Variants in GAREM1 observed in about 807,000 individuals in gnomAD.
GAREM1 encodes GRB2 associated regulator of MAPK1 subtype 1.
A neutral mutation model predicts 71.3 loss-of-function variants in GAREM1; 26 were observed. The ratio of observed to expected loss-of-function variants is 0.36; its 90% confidence interval spans 0.27 to 0.51. GAREM1 has a LOEUF of 0.51. GAREM1 is among the 20% of genes least tolerant of loss of function. The probability of loss-of-function intolerance (pLI) is 0.95; values close to 1 mark genes in which losing one functional copy is unlikely to be tolerated. For synonymous variants in GAREM1, 440 were observed against 433.2 expected (o/e 1.02, Z -0.20); for missense variants, 1,026 against 1,103.1 (o/e 0.93, Z 0.99).
chr18:32,469,807 G>A (rs965510449), intron 1 of GAREM1, among the ~76,000 whole-genome samples: 1 of 152,174 alleles, frequency 6.6e-6, no homozygotes, highest in African/African-American at 2.4e-5. Context: ...CAGACAAGCT[G>A]TAATACAAGG....
At chr18:32,347,001 G>C (rs2047703475) in intron 2 of GAREM1, among the ~76,000 whole-genome samples, 1 of 152,106 alleles carries the variant, frequency 6.6e-6, no homozygotes, top group African/African-American at 2.4e-5. Flanking sequence ...ATTTCTGTTT[G>C]GAAACAGAAT....
intron 1 of GAREM1, among the ~76,000 whole-genome samples, chr18:32,426,657 T>C (rs2048578687): frequency 6.6e-6 from 1 of 152,182 alleles, no homozygotes; most frequent in South Asian, 2.1e-4. Flanking sequence ...TTTTCACAAT[T>C]CAATCAACTC....
Position 32,268,257 on chromosome 18 carries a change from C to G in GAREM1, c.2245G>C (p.Asp749His). ...GACTTGGGGTCTTCCTCAGCACCAT[C>G]AATTTTCAGAGGCAAAGGAGATGTT... ...SETSPLPLKI[D>H]GAEEDPKSGS... The change falls in exon 6 of 6, where the codon GAT (aspartate) becomes CAT (histidine). Residue 749 changes from aspartate (D) to histidine (H), a missense_variant. Coordinates refer to ENST00000269209, the MANE Select transcript of GAREM1 (RefSeq NM_001242409.2). The G allele has an allele frequency of 1.2e-6, 2 of 1,614,092 alleles. No homozygotes were observed. The highest frequency in any genetic ancestry group is 1.7e-6 in the Non-Finnish European group (2 of 1,180,012).
At chr18:32,383,974 T>C (rs908876867) in intron 2 of GAREM1, among the ~76,000 whole-genome samples, 8 of 152,224 alleles carry the variant, frequency 5.3e-5, no homozygotes, top group African/African-American at 1.4e-4. Flanking sequence ...AAAAGCCACA[T>C]AGTATGACAC....
intron 2 of GAREM1, among the ~76,000 whole-genome samples, chr18:32,316,952 T>C (rs539694156): frequency 2.6e-5 from 4 of 152,264 alleles, no homozygotes; most frequent in South Asian, 2.1e-4. Context: ...ACTCTGGCCA[T>C]GTAGGGCAAC....
intron 4 of GAREM1, among the ~76,000 whole-genome samples, chr18:32,280,588 T>C (rs1412743780): frequency 6.6e-6 from 1 of 152,164 alleles, no homozygotes; most frequent in Non-Finnish European, 1.5e-5. Flanking sequence ...ATCCACAGGG[T>C]GCCAAGCATT....
intron 2 of GAREM1, among the ~76,000 whole-genome samples, chr18:32,389,158 C>T (rs1309229801): frequency 6.6e-6 from 1 of 152,134 alleles, no homozygotes; most frequent in Non-Finnish European, 1.5e-5. Context: ...GTAAACTATA[C>T]TACTGCAACT....
intron 1 of GAREM1, among the ~76,000 whole-genome samples, chr18:32,403,347 A>G (rs1445038388): frequency 6.6e-6 from 1 of 152,214 alleles, no homozygotes; most frequent in African/African-American, 2.4e-5. Flanking sequence ...CAAGGTCCCC[A>G]TGATTTACTT....
chr18:32,437,731 GA>G (rs957109569), intron 1 of GAREM1, among the ~76,000 whole-genome samples: 1 of 151,566 alleles, frequency 6.6e-6, no homozygotes, highest in Non-Finnish European at 1.5e-5. Flanking sequence ...AAAATGGGAG[GA>G]AAAAAAATGA....
chr18:32,296,938 C>G (rs1019204750), intron 3 of GAREM1, among the ~76,000 whole-genome samples: 2 of 152,108 alleles, frequency 1.3e-5, no homozygotes, highest in Admixed American at 1.3e-4. Flanking sequence ...TTACTTTCAA[C>G]CAGCATCTAG....
intron 1 of GAREM1, among the ~76,000 whole-genome samples, chr18:32,423,668 C>T (rs1158760747): frequency 6.6e-6 from 1 of 152,216 alleles, no homozygotes; most frequent in Non-Finnish European, 1.5e-5. Flanking sequence ...CAACAGACTA[C>T]AGGTCTCATA....
chr18:32,322,736 C>T (rs757089544), intron 2 of GAREM1, among the ~76,000 whole-genome samples: 15 of 152,206 alleles, frequency 9.9e-5, no homozygotes, highest in Non-Finnish European at 1.9e-4. Context: ...TAAGAGCCAG[C>T]TCAAGTCCAA....
intron 2 of GAREM1, among the ~76,000 whole-genome samples, chr18:32,384,027 T>C (rs919201804): frequency 1.3e-5 from 2 of 152,198 alleles, no homozygotes; most frequent in African/African-American, 2.4e-5. Flanking sequence ...TCCCTTTCCA[T>C]ATCTCTCATA....
At chr18:32,317,132 C>T (rs1013936286) in intron 2 of GAREM1, among the ~76,000 whole-genome samples, 2 of 152,128 alleles carry the variant, frequency 1.3e-5, no homozygotes, top group African/African-American at 4.8e-5. Context: ...GGGCCAGGCG[C>T]GGTGGCTCAC....
intron 2 of GAREM1, among the ~76,000 whole-genome samples, chr18:32,348,585 G>A (rs141197398): frequency 7.6e-4 from 115 of 152,168 alleles, no homozygotes; most frequent in African/African-American, 2.5e-3. Flanking sequence ...TTAGCTGGGC[G>A]TGGTGGTGCG....
chr18:32,392,796 T>C (rs1261348399), intron 2 of GAREM1, 99 bp downstream of exon 2: 5 of 1,289,934 alleles, frequency 3.9e-6, no homozygotes, highest in African/African-American at 1.5e-5. Context: ...CTCTAAGTCA[T>C]TCTACTTTCT....
At position 32,263,534 on chromosome 18, in the gene GAREM1, T is replaced by G. The variant is rs571048359; in HGVS notation, c.*4337A>C. 2.6e-5 allele frequency: 4 copies of G among 152,280 alleles called. No homozygotes were observed. The highest frequency in any genetic ancestry group is 6.5e-5 in the Admixed American group (1 of 15,296). 9.4% of individuals were successfully genotyped at this position (152,280 alleles called of 1,614,324 possible). On this transcript the variant is annotated 3_prime_UTR_variant, in exon 6 of 6. Coordinates refer to ENST00000269209, the MANE Select transcript of GAREM1 (RefSeq NM_001242409.2). Reference sequence around the variant, plus strand: ...ACTGCAAGAAAAGCAACTTTGAAAATTTCTTTATTACAGACATTTCAGAAC... The same window carrying G: ...ACTGCAAGAAAAGCAACTTTGAAAAGTTCTTTATTACAGACATTTCAGAAC...
intron 1 of GAREM1, among the ~76,000 whole-genome samples, chr18:32,445,624 C>T (rs2048779374): frequency 6.6e-6 from 1 of 152,128 alleles, no homozygotes; most frequent in South Asian, 2.1e-4. Context: ...GAAAGATAAT[C>T]AAGCTGACTG....
At chr18:32,312,966 G>T (rs2047338608) in intron 2 of GAREM1, among the ~76,000 whole-genome samples, 1 of 152,186 alleles carries the variant, frequency 6.6e-6, no homozygotes. Context: ...TTGTTAGAGG[G>T]TTAAGGAAAG....
Sources: allele counts gnomAD v4.1 joint callset (sites outside exome capture counted in the v4.1 genomes callset), GRCh38; gene constraint gnomAD v4.1.1; transcripts MANE v1.5; gene names NCBI Gene and HGNC (gene_info 2026-07-23, HGNC 2026-07-21).